The following BRWD1 variants were observed in gnomAD, a reference collection of about 807,000 sequenced individuals.
BRWD1 encodes the protein bromodomain and WD repeat domain containing 1.
In BRWD1, 82 loss-of-function variants were observed where a neutral mutation model predicts 251.2. The ratio of observed to expected loss-of-function variants is 0.33; its 90% confidence interval spans 0.27 to 0.39. The LOEUF (loss-of-function observed/expected upper bound fraction) is 0.39. Ranked by LOEUF, BRWD1 falls within the 10% of genes least tolerant of loss-of-function variation. BRWD1 has a pLI of 1.00. For synonymous variants in BRWD1, 918 were observed against 902.8 expected (o/e 1.02, Z -0.30); for missense variants, 2,233 against 2,711.6 (o/e 0.82, Z 3.92).
chr21:39,302,397 G>C (rs927625148), intron 4 of BRWD1, among the ~76,000 whole-genome samples: 3 of 152,194 alleles, frequency 2.0e-5, no homozygotes, highest in Non-Finnish European at 4.4e-5. Context: ...AAGATGTATA[G>C]GTAGGTAAGC....
downstream of BRWD1, chr21:39,185,295 T>TAAAAAAAAAAAAATAAA (rs2031155740): frequency 1.4e-5 from 1 of 71,838 alleles, no homozygotes; most frequent in Non-Finnish European, 2.8e-5. Context: ...CTGAAATTGC[T>TAAAAAAAAAAAAATAAA]AAAAAAAAAA....
chr21:39,227,357 C>A (rs551946633), intron 27 of BRWD1, among the ~76,000 whole-genome samples: 1 of 69,644 alleles, frequency 1.4e-5, no homozygotes, highest in South Asian at 6.4e-4. Flanking sequence ...ACACACTGAA[C>A]ATATATTTGT....
rs774335752 is a variant in BRWD1 at position 39,236,658 on chromosome 21, A to T, written c.2703T>A (p.Thr901=). 1 of 1,613,724 alleles carries T rather than the reference A, an allele frequency of 6.2e-7. No individual in the cohort carries two copies. The highest frequency in any genetic ancestry group is 1.7e-5 in the Admixed American group (1 of 59,968). ...TTCTTTTTGGAGGAGATAAATTCTC[A>T]GTAGATATTTCATCTTCTGAACTAC... ...FCSSSEDEIS[T]ENLSPPKRRR... Residue 901 remains threonine, a synonymous_variant, in exon 23 of 41, where the codon ACT becomes ACA. Coordinates refer to ENST00000342449, the MANE Select transcript of BRWD1 (RefSeq NM_033656.4).
Position 39,188,099 on chromosome 21 carries a change from A to C in BRWD1, c.*8160T>G, listed in dbSNP as rs1340333390. The C allele has an allele frequency of 1.0e-6, 1 of 985,328 alleles. No individual in the cohort carries two copies. Among genetic ancestry groups the C allele is most frequent in the African/African-American group, 1.7e-5 (1 of 57,250 alleles). 61.0% of individuals were successfully genotyped at this position (985,328 alleles called of 1,614,324 possible). ...GTGCTGACCAAACTTAGGAGGGCTC[A>C]GATATGTTTGTTACCAGTGTCTCAA... On this transcript the variant is annotated 3_prime_UTR_variant, in exon 41 of 41. Coordinates refer to ENST00000342449, the MANE Select transcript of BRWD1 (RefSeq NM_033656.4).
chr21:39,258,424 T>G, intron 18 of BRWD1, 63 bp downstream of exon 18: 1 of 1,352,178 alleles, frequency 7.4e-7, no homozygotes. Context: ...TGACAAAGAC[T>G]TCGTTTACTC....
In BRWD1 at chr21:39,312,844, C is replaced by A; in HGVS notation, c.195G>T (p.Glu65Asp). ...AGCAAACGTGCCCAATGCTCACCAA[C>A]TCCTCGTAGCTCCTGTTGTGCTCGT... ...EGNEHNRSYEELVLSNKHVAP... is the reference protein window; with the variant it reads ...EGNEHNRSYEDLVLSNKHVAP... The change falls in exon 4 of 41, where the codon GAG becomes GAT. Residue 65 changes from glutamate (E) to aspartate (D), a missense_variant. Glu to Asp is a conservative substitution (Grantham distance 45, BLOSUM62 2). Coordinates refer to ENST00000342449, the MANE Select transcript of BRWD1 (RefSeq NM_033656.4). 1 of 1,587,938 alleles carries A rather than the reference C, an allele frequency of 6.3e-7. No individual in the cohort carries two copies. The highest frequency in any genetic ancestry group is 1.1e-5 in the South Asian group (1 of 89,652).
intron 19 of BRWD1, among the ~76,000 whole-genome samples, chr21:39,252,180 T>A (rs1409143769): frequency 6.9e-6 from 1 of 144,962 alleles, no homozygotes. Flanking sequence ...ACCAGGGAGG[T>A]GGAGGCTGAA....
At chr21:39,210,742 G>A (rs367581580) in intron 35 of BRWD1, 44 bp downstream of exon 35, 4 of 1,554,992 alleles carry the variant, frequency 2.6e-6, no homozygotes, top group Non-Finnish European at 2.6e-6. Context: ...TTTCCTCACT[G>A]CAAAACAAGA....
chr21:39,198,758 A>G lies in BRWD1; in HGVS notation c.5653+5T>C, dbSNP rs1167989328. ...CAGTGAACAAAGATAAATGTTTTGA[A>G]TTACCTTTCATAAAATTGTTTGGTT... is the stretch of plus-strand genomic sequence containing the variant. On this transcript the variant is annotated splice_donor_5th_base_variant and intron_variant, in intron 40 of 40. Transcript: ENST00000342449. The G allele has an allele frequency of 4.5e-6, 7 of 1,566,628 alleles. No homozygotes were observed. In the East Asian group the frequency reaches 1.3e-4, roughly 30 times the overall value.
chr21:39,215,045 T>G (rs1354326934), intron 32 of BRWD1, among the ~76,000 whole-genome samples, 192 bp downstream of exon 32: 1 of 107,642 alleles, frequency 9.3e-6, no homozygotes, highest in African/African-American at 3.7e-5. Context: ...TTTTTGTATT[T>G]TTTTTAGTAG....
At chr21:39,225,419 C>G (rs567339952) in intron 27 of BRWD1, among the ~76,000 whole-genome samples, 1 of 152,206 alleles carries the variant, frequency 6.6e-6, no homozygotes, top group South Asian at 2.1e-4. Context: ...ACACTTCAAC[C>G]AGTGAAATAA....
rs1226424028 is a variant in BRWD1 at position 39,188,080 on chromosome 21, A to C, written c.*8179T>G. 2 of 985,306 alleles carry C rather than the reference A, an allele frequency of 2.0e-6. No individual in the cohort carries two copies. The highest frequency in any genetic ancestry group is 3.5e-5 in the African/African-American group (2 of 57,236). 61.0% of individuals were successfully genotyped at this position (985,306 alleles called of 1,614,324 possible). ...ATGCCAGAGCTACTACTCCGTGCTG[A>C]CCAAACTTAGGAGGGCTCAGATATG... On this transcript the variant is annotated 3_prime_UTR_variant, in exon 41 of 41. Coordinates refer to ENST00000342449, the MANE Select transcript of BRWD1 (RefSeq NM_033656.4).
intron 5 of BRWD1, chr21:39,297,533 T>C (rs193161764): frequency 5.4e-4 from 239 of 439,356 alleles, no homozygotes; most frequent in African/African-American, 4.6e-3. Flanking sequence ...CCAGCTAAAA[T>C]AGAATAATTA....
At chr21:39,294,881 C>A (rs1000424707) in intron 7 of BRWD1, among the ~76,000 whole-genome samples, 5 of 152,106 alleles carry the variant, frequency 3.3e-5, no homozygotes, top group Admixed American at 1.3e-4. Context: ...GAATTTTACA[C>A]CCACAAAATG....
At chr21:39,310,721 G>A (rs547567857) in intron 4 of BRWD1, among the ~76,000 whole-genome samples, 5 of 152,136 alleles carry the variant, frequency 3.3e-5, no homozygotes, top group African/African-American at 9.6e-5. Flanking sequence ...ACAGGGTCTC[G>A]CTCACCTAGG....
intron 13 of BRWD1, 70 bp downstream of exon 13, chr21:39,274,304 C>CGAGAGAGA: frequency 2.0e-6 from 2 of 991,686 alleles, no homozygotes; most frequent in Admixed American, 1.8e-5. Flanking sequence ...ACACAGAGAG[C>CGAGAGAGA]GAGAGAGAGA....
chr21:39,197,560 A>T (rs938792876), intron 40 of BRWD1, 145 bp from the exon 41 acceptor site: 3 of 655,710 alleles, frequency 4.6e-6, no homozygotes, highest in Non-Finnish European at 5.1e-6. Context: ...TAGTATAGTC[A>T]TATGTTGCTC....
At chr21:39,223,953 A>G (rs1257318988) in intron 29 of BRWD1, among the ~76,000 whole-genome samples, 1 of 152,180 alleles carries the variant, frequency 6.6e-6, no homozygotes, top group Non-Finnish European at 1.5e-5. Context: ...GGTTCAAACA[A>G]TTCTCCTGCC....
rs2031726666 is a variant in BRWD1 at position 39,194,806 on chromosome 21, G to A, written c.*1453C>T. 7 of 1,534,502 alleles carry A rather than the reference G, an allele frequency of 4.6e-6. No individual in the cohort carries two copies. The highest frequency in any genetic ancestry group is 2.0e-5 in the Admixed American group (1 of 50,926). On this transcript the variant is annotated 3_prime_UTR_variant, in exon 41 of 41. Transcript: ENST00000342449. ...ATAACATTGTCTAATATTGATACCA[G>A]TCTGATGCTTCACCTTATCTGCCAC...
Sources: gnomAD v4.1 joint callset for allele counts (sites outside exome capture counted in the v4.1 genomes callset) on GRCh38, gnomAD v4.1.1 for gene constraint, MANE v1.5 for transcripts, NCBI Gene and HGNC (gene_info 2026-07-23, HGNC 2026-07-21) for gene names.